SLC35F1: variants seen among roughly 807,000 people sequenced by gnomAD.
SLC35F1 encodes the protein chromosome 6 open reading frame 169.
In SLC35F1, 14 loss-of-function variants were observed where a neutral mutation model predicts 48.7. That is an observed-to-expected ratio of 0.29 (90% CI 0.19 to 0.45). The LOEUF (loss-of-function observed/expected upper bound fraction) is 0.45, where lower values mean the gene tolerates loss of function less well. Ranked by LOEUF, SLC35F1 falls within the 20% of genes least tolerant of loss-of-function variation. The probability of loss-of-function intolerance (pLI) is 1.00; values close to 1 mark genes in which losing one functional copy is unlikely to be tolerated. For missense variants in SLC35F1, 404 were observed against 500.0 expected, an observed-to-expected ratio of 0.81 and a Z score of 1.83; for synonymous variants, 190 against 202.2, an observed-to-expected ratio of 0.94 and a Z score of 0.51.
intron 1 of SLC35F1, among the ~76,000 whole-genome samples, chr6:118,142,712 C>A (rs1364275175): frequency 6.6e-6 from 1 of 152,086 alleles, no homozygotes; most frequent in African/African-American, 2.4e-5. Context: ...CTAGCCCATG[C>A]TGCAAAAATT....
chr6:118,010,573 A>G (rs1425855724), intron 1 of SLC35F1, among the ~76,000 whole-genome samples: 1 of 152,170 alleles, frequency 6.6e-6, no homozygotes, highest in Non-Finnish European at 1.5e-5. Context: ...ATTAACACAT[A>G]CAAAAAATGT....
chr6:118,150,923 C>T (rs1032957900), intron 1 of SLC35F1, among the ~76,000 whole-genome samples: 12 of 152,118 alleles, frequency 7.9e-5, no homozygotes, highest in Non-Finnish European at 1.3e-4. Context: ...CTAGCTATCC[C>T]CTCCATGAAA....
chr6:118,185,891 G>C (rs1053578634), intron 2 of SLC35F1, among the ~76,000 whole-genome samples: 1 of 152,134 alleles, frequency 6.6e-6, no homozygotes, highest in African/African-American at 2.4e-5. Context: ...TGATGTGTAT[G>C]TCTACAATGA....
At chr6:118,280,827 C>T (rs1420654452) in intron 6 of SLC35F1, among the ~76,000 whole-genome samples, 2 of 151,362 alleles carry the variant, frequency 1.3e-5, no homozygotes, top group Non-Finnish European at 1.5e-5. Context: ...GTCGGGATCA[C>T]GCAACTGCAC....
At chr6:118,201,854 A>G (rs1484406989) in intron 2 of SLC35F1, among the ~76,000 whole-genome samples, 29 of 152,218 alleles carry the variant, frequency 1.9e-4, no homozygotes, top group Admixed American at 1.9e-3. Context: ...AATAGAAATG[A>G]AATCATATAA....
At chr6:118,255,586 ATTTC>A (rs1367921565) in intron 3 of SLC35F1, among the ~76,000 whole-genome samples, 7 of 152,130 alleles carry the variant, frequency 4.6e-5, no homozygotes, top group African/African-American at 9.7e-5. Flanking sequence ...TGGCAGTGTC[ATTTC>A]TTTCTTTCTT....
chr6:117,965,266 C>A (rs1384793442), intron 1 of SLC35F1, among the ~76,000 whole-genome samples: 2 of 152,138 alleles, frequency 1.3e-5, no homozygotes, highest in Admixed American at 6.5e-5. Context: ...TATGGTGGTG[C>A]CAGCAACATG....
chr6:118,036,318 T>A (rs1443220811), intron 1 of SLC35F1, among the ~76,000 whole-genome samples: 2 of 152,216 alleles, frequency 1.3e-5, no homozygotes, highest in Non-Finnish European at 2.9e-5. Flanking sequence ...TTCAGATATT[T>A]GAGGAATTCC....
intron 1 of SLC35F1, among the ~76,000 whole-genome samples, chr6:117,961,272 T>G (rs977999319): frequency 6.6e-6 from 1 of 152,194 alleles, no homozygotes; most frequent in African/African-American, 2.4e-5. Flanking sequence ...TCAATTATTC[T>G]GACAACATTT....
intron 1 of SLC35F1, among the ~76,000 whole-genome samples, chr6:118,009,399 G>A (rs769219849): frequency 5.9e-5 from 9 of 152,182 alleles, no homozygotes; most frequent in Non-Finnish European, 1.5e-5. Flanking sequence ...ACATTGCTCA[G>A]TAAATCCCAG....
At chr6:118,279,926 G>T (rs1318508530) in intron 6 of SLC35F1, among the ~76,000 whole-genome samples, 3 of 152,200 alleles carry the variant, frequency 2.0e-5, no homozygotes, top group Non-Finnish European at 4.4e-5. Context: ...TTTTATCAAA[G>T]TGGAAAGATG....
At chr6:118,286,414 C>T (rs533333431) in intron 7 of SLC35F1, among the ~76,000 whole-genome samples, 106 of 152,138 alleles carry the variant, frequency 7.0e-4, no homozygotes, top group Middle Eastern at 3.4e-3. Flanking sequence ...ATGATCAGGG[C>T]AAAGCAGCTG....
At chr6:118,045,902 G>C (rs892744248) in intron 1 of SLC35F1, among the ~76,000 whole-genome samples, 4 of 152,082 alleles carry the variant, frequency 2.6e-5, no homozygotes, top group Admixed American at 2.6e-4. Flanking sequence ...TCCAGATACT[G>C]CTAATCTCTG....
intron 6 of SLC35F1, among the ~76,000 whole-genome samples, chr6:118,284,520 A>G (rs537290438): frequency 9.3e-4 from 142 of 152,286 alleles, no homozygotes; most frequent in African/African-American, 3.3e-3. Context: ...AGGTCATGAA[A>G]GCCCACATGT....
At chr6:118,111,193 G>T (rs559204856) in intron 1 of SLC35F1, among the ~76,000 whole-genome samples, 2 of 152,214 alleles carry the variant, frequency 1.3e-5, no homozygotes, top group Non-Finnish European at 2.9e-5. Flanking sequence ...TGATGGCTGA[G>T]TATTTTTCAA....
chr6:117,928,594 A>G (rs1776058926), intron 1 of SLC35F1, among the ~76,000 whole-genome samples: 1 of 152,186 alleles, frequency 6.6e-6, no homozygotes, highest in Admixed American at 6.5e-5. Context: ...TAAATTTCTA[A>G]TCATTAATTA....
At chr6:118,205,702 C>T (rs956518423) in intron 2 of SLC35F1, among the ~76,000 whole-genome samples, 4 of 152,304 alleles carry the variant, frequency 2.6e-5, no homozygotes, top group Admixed American at 1.3e-4. Flanking sequence ...CCAATGTTCA[C>T]AGCAGCATTA....
intron 1 of SLC35F1, among the ~76,000 whole-genome samples, chr6:117,932,613 A>G (rs1776116646): frequency 1.3e-5 from 2 of 152,208 alleles, no homozygotes; most frequent in Non-Finnish European, 2.9e-5. Flanking sequence ...GATGACCAAG[A>G]CATTCAAATC....
chr6:118,038,399 T>C (rs1161463039), intron 1 of SLC35F1, among the ~76,000 whole-genome samples: 3 of 151,970 alleles, frequency 2.0e-5, no homozygotes, highest in African/African-American at 7.2e-5. Context: ...ATAATAATAA[T>C]AATTTAGTTT....
Sources: gnomAD v4.1 joint callset for allele counts (sites outside exome capture counted in the v4.1 genomes callset) on GRCh38, gnomAD v4.1.1 for gene constraint, MANE v1.5 for transcripts, NCBI Gene and HGNC (gene_info 2026-07-23, HGNC 2026-07-21) for gene names.